The following SH3BGRL variants were observed in gnomAD, a reference collection of about 807,000 sequenced individuals.
SH3BGRL encodes SH3 domain binding glutamate rich protein like.
In SH3BGRL, 7 loss-of-function variants were observed where a neutral mutation model predicts 9.8. That is an observed-to-expected ratio of 0.72 (90% CI 0.41 to 1.35). The LOEUF (loss-of-function observed/expected upper bound fraction) is 1.35, where lower values mean the gene tolerates loss of function less well. Ranked by LOEUF, SH3BGRL falls within the 40% of genes most tolerant of loss-of-function variation. The probability of loss-of-function intolerance (pLI) is 0.01; values close to 1 mark genes in which losing one functional copy is unlikely to be tolerated. For missense variants in SH3BGRL, 73 were observed against 84.4 expected, an observed-to-expected ratio of 0.86 and a Z score of 0.53; for synonymous variants, 36 against 29.1, an observed-to-expected ratio of 1.24 and a Z score of -0.76.
At chrX:81,295,637 C>T (rs2075872048) in intron 3 of SH3BGRL, among the ~76,000 whole-genome samples, 1 of 111,522 alleles carries the variant, frequency 9.0e-6, no homozygotes, top group African/African-American at 3.3e-5. Context: ...ACAAGCTTGC[C>T]CTAAACCATC....
chrX:81,236,896 T>A (rs1410320835), intron 1 of SH3BGRL, among the ~76,000 whole-genome samples: 1 of 88,212 alleles, frequency 1.1e-5, no homozygotes, highest in Non-Finnish European at 2.3e-5. Context: ...AGAGAGAGGC[T>A]GAGGGAGAGA....
intron 3 of SH3BGRL, among the ~76,000 whole-genome samples, chrX:81,289,819 C>T (rs189838941): frequency 9.4e-4 from 105 of 111,732 alleles, no homozygotes; most frequent in African/African-American, 3.3e-3. Flanking sequence ...GATTGTACCA[C>T]TGCACTTCAG....
At chrX:81,203,513 A>G (rs1271100585) in intron 1 of SH3BGRL, among the ~76,000 whole-genome samples, 1 of 112,187 alleles carries the variant, frequency 8.9e-6, no homozygotes, top group African/African-American at 3.2e-5. Flanking sequence ...ACCTAATTTT[A>G]TGAGCCTCTT....
At chrX:81,289,586 G>A (rs922718496) in intron 3 of SH3BGRL, among the ~76,000 whole-genome samples, 6 of 111,263 alleles carry the variant, frequency 5.4e-5, no homozygotes, top group African/African-American at 2.0e-4. Context: ...GGCCATGCAT[G>A]GTGGCTTAGA....
intron 1 of SH3BGRL, chrX:81,255,431 TGA>T (rs2075722948): frequency 8.9e-6 from 1 of 112,223 alleles, no homozygotes; most frequent in South Asian, 3.7e-4. Flanking sequence ...TCTAAAATTC[TGA>T]GAGAATTTTC....
At chrX:81,277,204 T>C (rs2075801421) in intron 2 of SH3BGRL, 35 bp downstream of exon 2, 3 of 1,118,785 alleles carry the variant, frequency 2.7e-6, no homozygotes, top group Non-Finnish European at 3.7e-6. Flanking sequence ...TTTATTGTAA[T>C]AGATTGCCCC....
At chrX:81,295,442 A>C (rs2075871369) in intron 3 of SH3BGRL, among the ~76,000 whole-genome samples, 1 of 111,360 alleles carries the variant, frequency 9.0e-6, no homozygotes, top group Non-Finnish European at 1.9e-5. Context: ...GCCTCCTCTT[A>C]AGAAGTGTCT....
At chrX:81,243,140 T>A (rs1304661604) in intron 1 of SH3BGRL, among the ~76,000 whole-genome samples, 2 of 112,361 alleles carry the variant, frequency 1.8e-5, no homozygotes, top group Admixed American at 9.4e-5. Context: ...AATCTAAGTG[T>A]CCATCGACAG....
intron 3 of SH3BGRL, among the ~76,000 whole-genome samples, chrX:81,280,990 C>A (rs1301798883): frequency 1.8e-5 from 2 of 110,888 alleles, no homozygotes; most frequent in Non-Finnish European, 3.8e-5. Flanking sequence ...ATAAAAAATT[C>A]AGGAAACTTT....
Position 81,278,422 on chromosome X carries a change from C to T in SH3BGRL, c.312+11C>T, listed in dbSNP as rs757477114. ...CCACCTGGTTCAAAGGTATGATACC[C>T]TTTTTTTCCTGTTTTATAGGTCATT... On this transcript the variant is annotated intron_variant, in intron 3 of 3. Coordinates refer to ENST00000373212, the MANE Select transcript of SH3BGRL (RefSeq NM_003022.3). 8 of 1,085,302 alleles carry T rather than the reference C, an allele frequency of 7.4e-6. No homozygotes were observed. The highest frequency in any genetic ancestry group is 2.0e-5 in the South Asian group (1 of 49,594). 89.4% of individuals were successfully genotyped at this position (1,085,302 alleles called of 1,213,427 possible). A position where few individuals can be genotyped will look rare whatever the true frequency, so the allele number is the denominator to read the frequency against.
At chrX:81,242,852 A>C (rs751223314) in intron 1 of SH3BGRL, among the ~76,000 whole-genome samples, 11 of 112,128 alleles carry the variant, frequency 9.8e-5, no homozygotes, top group Non-Finnish European at 2.1e-4. Flanking sequence ...ATCTCACCCC[A>C]GTTAAAATGG....
chrX:81,290,917 G>T (rs2075855908), intron 3 of SH3BGRL, among the ~76,000 whole-genome samples: 1 of 110,968 alleles, frequency 9.0e-6, no homozygotes, highest in South Asian at 3.8e-4. Flanking sequence ...GCAATGTTAG[G>T]TCCTTAGAGG....
intron 1 of SH3BGRL, among the ~76,000 whole-genome samples, chrX:81,247,011 T>C (rs1048867242): frequency 5.4e-5 from 6 of 112,106 alleles, no homozygotes; most frequent in Non-Finnish European, 9.4e-5. Context: ...GTTTTTGTTA[T>C]AGAGATCTTT....
intron 1 of SH3BGRL, among the ~76,000 whole-genome samples, chrX:81,227,331 G>A (rs1426805701): frequency 8.9e-6 from 1 of 112,115 alleles, no homozygotes; most frequent in Non-Finnish European, 1.9e-5. Flanking sequence ...AAAGCGATCA[G>A]TTAGTTTCCT....
chrX:81,226,435 A>G (rs1217827421), intron 1 of SH3BGRL, among the ~76,000 whole-genome samples: 1 of 105,138 alleles, frequency 9.5e-6, no homozygotes, highest in Non-Finnish European at 1.9e-5. Flanking sequence ...AATATTTTTA[A>G]AGTGTTTAAT....
In SH3BGRL at chrX:81,274,571, G is replaced by A. The variant is rs367756610; in HGVS notation, c.46-2413G>A. Among the ~76,000 whole-genome samples, 35 of 109,201 alleles carry A rather than the reference G, an allele frequency of 3.2e-4. 1 individual carries two copies. The East Asian group carries it at 4.0e-3, about 13-fold the overall frequency. The allele number at this position is 109,201 out of a possible 115,157, so 94.8% of individuals were successfully genotyped here. A position where few individuals can be genotyped will look rare whatever the true frequency, so the allele number is the denominator to read the frequency against. ...CACGCCACTGCACTCTAGCCTGGGC[G>A]ACAGAGCTAGACTCTGTCTCAGAAA... On this transcript the variant is annotated intron_variant, in intron 1 of 3. Coordinates refer to ENST00000373212, the MANE Select transcript of SH3BGRL (RefSeq NM_003022.3).
At chrX:81,294,041 C>T (rs1211750404) in intron 3 of SH3BGRL, among the ~76,000 whole-genome samples, 2 of 110,583 alleles carry the variant, frequency 1.8e-5, no homozygotes, top group Non-Finnish European at 3.8e-5. Context: ...CAAGAGGTGA[C>T]TTGGGTGTGG....
At chrX:81,275,751 C>T (rs961942810) in intron 1 of SH3BGRL, among the ~76,000 whole-genome samples, 3 of 111,992 alleles carry the variant, frequency 2.7e-5, no homozygotes, top group Non-Finnish European at 3.8e-5. Flanking sequence ...CATTCAGTAC[C>T]CTAATCTAAA....
chrX:81,287,641 G>A (rs976492328), intron 3 of SH3BGRL, among the ~76,000 whole-genome samples: 1 of 110,623 alleles, frequency 9.0e-6, no homozygotes, highest in Non-Finnish European at 1.9e-5. Flanking sequence ...ATCACACACC[G>A]GGACCTGTCT....
Sources: allele counts gnomAD v4.1 joint callset (sites outside exome capture counted in the v4.1 genomes callset), GRCh38; gene constraint gnomAD v4.1.1; transcripts MANE v1.5; gene names NCBI Gene and HGNC (gene_info 2026-07-23, HGNC 2026-07-21).